GLI3: variants seen among roughly 807,000 people sequenced by gnomAD.
The protein encoded by GLI3 is GLI family zinc finger 3.
GLI3 carries 20 observed loss-of-function variants against 100.8 expected under a neutral mutation model. That is an observed-to-expected ratio of 0.20 (90% CI 0.14 to 0.29). GLI3 has a LOEUF of 0.29. Ranked by LOEUF, GLI3 falls within the 10% of genes least tolerant of loss-of-function variation. The probability of loss-of-function intolerance (pLI) is 1.00; values close to 1 mark genes in which losing one functional copy is unlikely to be tolerated. For missense variants in GLI3, 2,040 were observed against 2,128.5 expected (o/e 0.96, Z 0.82); for synonymous variants, 938 against 860.5 (o/e 1.09, Z -1.58).
chr7:42,082,959 T>C (rs1785028031), intron 3 of GLI3, among the ~76,000 whole-genome samples: 1 of 152,212 alleles, frequency 6.6e-6, no homozygotes, highest in African/African-American at 2.4e-5. Context: ...CATGAGATAT[T>C]TTGACACAGG....
chr7:42,178,830 G>T (rs1787533843), intron 2 of GLI3, among the ~76,000 whole-genome samples: 2 of 152,182 alleles, frequency 1.3e-5, no homozygotes, highest in African/African-American at 4.8e-5. Flanking sequence ...GAGGCAGGCA[G>T]GCAGACAGAG....
chr7:42,162,499 C>T (rs1787149353), intron 2 of GLI3, among the ~76,000 whole-genome samples: 1 of 152,148 alleles, frequency 6.6e-6, no homozygotes, highest in Non-Finnish European at 1.5e-5. Context: ...TAATAGATTT[C>T]GCACTGCACT....
At chr7:42,253,985 C>G (rs138356687) in intron 1 of GLI3, among the ~76,000 whole-genome samples, 2 of 152,186 alleles carry the variant, frequency 1.3e-5, no homozygotes, top group African/African-American at 4.8e-5. Flanking sequence ...TCTGGGAGGC[C>G]GAGGCAGGTG....
chr7:42,127,555 A>G (rs1415178509), intron 3 of GLI3, among the ~76,000 whole-genome samples: 1 of 152,232 alleles, frequency 6.6e-6, no homozygotes, highest in Non-Finnish European at 1.5e-5. Context: ...CTATTTCAAT[A>G]CAGTGCCAAC....
chr7:42,103,404 A>T (rs1352065599), intron 3 of GLI3, among the ~76,000 whole-genome samples: 1 of 152,190 alleles, frequency 6.6e-6, no homozygotes, highest in Non-Finnish European at 1.5e-5. Context: ...TAAATAGCTG[A>T]ACTTTTTATC....
chr7:41,976,287 AG>A lies in GLI3; in HGVS notation c.1812+1270del, dbSNP rs1395824049. ...ATCTTTAAAATGTCTTCAAACAGTT[AG>A]AAAATGAGATTCCGAATAACTCCAG... On this transcript the variant is annotated intron_variant, in intron 12 of 14. Transcript: ENST00000395925. Among the ~76,000 whole-genome samples, 5 of 152,246 alleles carry A rather than the reference AG, an allele frequency of 3.3e-5. No individual in the cohort carries two copies. In the East Asian group the frequency reaches 9.6e-4, roughly 29 times the overall value.
intron 10 of GLI3, among the ~76,000 whole-genome samples, chr7:42,003,235 A>G (rs1395950309): frequency 1.3e-5 from 2 of 152,254 alleles, no homozygotes; most frequent in Non-Finnish European, 2.9e-5. Context: ...GGTAAATTAA[A>G]GTGAATGTTA....
chr7:42,083,291 A>G (rs1583541557), intron 3 of GLI3, among the ~76,000 whole-genome samples: 1 of 152,306 alleles, frequency 6.6e-6, no homozygotes, highest in East Asian at 1.9e-4. Context: ...AGTGAGATCA[A>G]GTTCTTTCTG....
chr7:42,055,088 CATATATACACATATATGT>C (rs947931408), intron 4 of GLI3, among the ~76,000 whole-genome samples: 13 of 134,338 alleles, frequency 9.7e-5, no homozygotes, highest in Non-Finnish European at 1.8e-4. Context: ...TGTATATATA[CATATATACACATATATGT>C]ATATATACAC....
intron 3 of GLI3, among the ~76,000 whole-genome samples, chr7:42,132,703 A>T (rs1786322676): frequency 6.6e-6 from 1 of 152,216 alleles, no homozygotes; most frequent in Non-Finnish European, 1.5e-5. Flanking sequence ...CTCTCAGTGG[A>T]TTACAGGCTT....
Position 42,029,127 on chromosome 7 carries a change from C to T in GLI3, c.1029-2715G>A, listed in dbSNP as rs76783741. On this transcript the variant is annotated intron_variant, in intron 7 of 14. Transcript: ENST00000395925. Reference sequence around the variant, plus strand: ...CCAGCAACAGAAACATTCTCCTCCTCCTCGTGCACAGACCTGGGCCAGGGC... The same window carrying T: ...CCAGCAACAGAAACATTCTCCTCCTTCTCGTGCACAGACCTGGGCCAGGGC... Among the ~76,000 whole-genome samples, 684 of 152,358 alleles carry T rather than the reference C, an allele frequency of 4.5e-3. 4 individuals are homozygous for T. The highest frequency in any genetic ancestry group is 7.6e-3 in the Non-Finnish European group (520 of 68,040).
At position 42,148,210 on chromosome 7, in the gene GLI3, T is replaced by G; in HGVS notation, c.367+16A>C. 1 of 1,602,096 alleles carries G rather than the reference T, an allele frequency of 6.2e-7. No individual in the cohort carries two copies. The highest frequency in any genetic ancestry group is 1.7e-5 in the Admixed American group (1 of 59,124). On this transcript the variant is annotated intron_variant, in intron 3 of 14. Transcript: ENST00000395925. The stretch of plus-strand genomic sequence containing the variant: ...CCATAGCTCCTGAACAAGTGCCGAC[T>G]GGCATGGGCACTTACGGTAGTGGGG...
chr7:41,975,290 T>A (rs7776918), intron 12 of GLI3, among the ~76,000 whole-genome samples: 16,050 of 152,206 alleles, frequency 0.11, 1,071 homozygotes, highest in African/African-American at 0.18. Flanking sequence ...ATAAATAGCT[T>A]TAAGTATTTG....
intron 6 of GLI3, among the ~76,000 whole-genome samples, chr7:42,043,996 T>C (rs879630706): frequency 2.0e-5 from 3 of 152,244 alleles, no homozygotes; most frequent in African/African-American, 7.2e-5. Flanking sequence ...TTTCTTTTAC[T>C]TTCCATGTAG....
intron 3 of GLI3, among the ~76,000 whole-genome samples, chr7:42,126,092 A>T (rs1235249600): frequency 6.6e-6 from 1 of 152,236 alleles, no homozygotes; most frequent in Non-Finnish European, 1.5e-5. Context: ...CATATACTGC[A>T]GGTGAGAAAA....
intron 2 of GLI3, among the ~76,000 whole-genome samples, chr7:42,209,685 G>A (rs972716071): frequency 6.6e-6 from 1 of 152,134 alleles, no homozygotes; most frequent in African/African-American, 2.4e-5. Flanking sequence ...ATAAAGTGAT[G>A]TGCAGGCAGA....
At chr7:42,171,430 A>C (rs1317777525) in intron 2 of GLI3, among the ~76,000 whole-genome samples, 1 of 152,246 alleles carries the variant, frequency 6.6e-6, no homozygotes, top group African/African-American at 2.4e-5. Context: ...GAATACATCC[A>C]CAAGTAGAAA....
chr7:42,241,077 G>A (rs1225438699), upstream of GLI3, among the ~76,000 whole-genome samples: 1 of 152,188 alleles, frequency 6.6e-6, no homozygotes, highest in African/African-American at 2.4e-5. Context: ...AAACTTCAGA[G>A]GGATTGGGTG....
At chr7:42,126,211 T>C (rs1357525534) in intron 3 of GLI3, among the ~76,000 whole-genome samples, 1 of 152,238 alleles carries the variant, frequency 6.6e-6, no homozygotes, top group East Asian at 1.9e-4. Flanking sequence ...TGTGTTTCTC[T>C]GAAAAGTTCT....
Sources: allele counts gnomAD v4.1 joint callset (sites outside exome capture counted in the v4.1 genomes callset), GRCh38; gene constraint gnomAD v4.1.1; transcripts MANE v1.5; gene names NCBI Gene and HGNC (gene_info 2026-07-23, HGNC 2026-07-21).